ERGIC1: variants seen among roughly 807,000 people sequenced by gnomAD.
ERGIC1 encodes the protein endoplasmic reticulum-Golgi intermediate compartment protein 1.
ERGIC1 carries 19 observed loss-of-function variants against 38.3 expected under a neutral mutation model. The observed-to-expected ratio is 0.50, with a 90% CI of 0.35 to 0.73. The LOEUF is 0.73. Among genes scored for constraint, ERGIC1 ranks in the 30% least tolerant of loss-of-function variants. The pLI, the probability that ERGIC1 is intolerant of heterozygous loss-of-function variation, is 0.01. For missense variants in ERGIC1, 294 were observed against 389.2 expected (o/e 0.76, Z 2.06); for synonymous variants, 124 against 157.6 (o/e 0.79, Z 1.60).
chr5:172,864,089 C>G (rs929561490), intron 1 of ERGIC1, among the ~76,000 whole-genome samples: 1 of 151,536 alleles, frequency 6.6e-6, no homozygotes, highest in African/African-American at 2.4e-5. Flanking sequence ...CCTAGCTACT[C>G]GAGAGGCTGA....
chr5:172,845,166 G>T (rs909626581), intron 1 of ERGIC1, among the ~76,000 whole-genome samples: 5 of 152,112 alleles, frequency 3.3e-5, no homozygotes, highest in Admixed American at 6.5e-5. Flanking sequence ...GGGGAGTGTT[G>T]TTACCCTGAT....
In ERGIC1 at chr5:172,919,324, G is replaced by A. The variant is rs529703984; in HGVS notation, c.375+4486G>A. 1.8e-4 allele frequency among the ~76,000 whole-genome samples: 28 copies of A among 152,198 alleles called. No homozygotes were observed. The South Asian group carries it at 3.7e-3, about 20-fold the overall frequency. ...CACACCTCCTCACTGTGGGCCCCCC[G>A]CCCCCGGGGAGATGCAACCACCTGG... On this transcript the variant is annotated intron_variant, in intron 5 of 9. Coordinates refer to ENST00000393784, the MANE Select transcript of ERGIC1 (RefSeq NM_001031711.3).
At chr5:172,947,846 A>G in intron 9 of ERGIC1, among the ~76,000 whole-genome samples, 1 of 151,258 alleles carries the variant, frequency 6.6e-6, no homozygotes, top group African/African-American at 2.4e-5. Flanking sequence ...TTTGGGTTCC[A>G]AATTGTGTGT....
chr5:172,922,337 A>G (rs1763541313), intron 5 of ERGIC1: 1 of 152,364 alleles, frequency 6.6e-6, no homozygotes, highest in Non-Finnish European at 1.5e-5. Flanking sequence ...CATTCATTCA[A>G]AAAGTGTCTA....
At chr5:172,940,452 G>A (rs1763985470) in intron 9 of ERGIC1, among the ~76,000 whole-genome samples, 1 of 152,180 alleles carries the variant, frequency 6.6e-6, no homozygotes, top group Admixed American at 6.5e-5. Flanking sequence ...TGTGCCACTT[G>A]CTGTAGCTCC....
intron 8 of ERGIC1, chr5:172,932,910 C>T: frequency 5.1e-6 from 1 of 197,626 alleles, no homozygotes; most frequent in Non-Finnish European, 1.0e-5. Flanking sequence ...GCTCTCAGGG[C>T]ACAGGCACTT....
At chr5:172,892,273 C>A (rs1439506823) in intron 2 of ERGIC1, among the ~76,000 whole-genome samples, 1 of 152,122 alleles carries the variant, frequency 6.6e-6, no homozygotes, top group Non-Finnish European at 1.5e-5. Flanking sequence ...GGCGCCATGC[C>A]AAGCCCTGGG....
At chr5:172,928,103 CAT>C (rs1763696782) in intron 7 of ERGIC1, among the ~76,000 whole-genome samples, 1 of 152,140 alleles carries the variant, frequency 6.6e-6, no homozygotes, top group African/African-American at 2.4e-5. Context: ...GTCATGGTAA[CAT>C]GTCATCCGAC....
chr5:172,866,710 A>G (rs1251693964), intron 1 of ERGIC1, among the ~76,000 whole-genome samples: 1 of 152,224 alleles, frequency 6.6e-6, no homozygotes, highest in Non-Finnish European at 1.5e-5. Context: ...CAGAGCTGGG[A>G]CTTGAACCCA....
intron 1 of ERGIC1, among the ~76,000 whole-genome samples, chr5:172,842,426 G>A (rs1040678327): frequency 2.6e-5 from 4 of 152,280 alleles, no homozygotes; most frequent in African/African-American, 9.6e-5. Context: ...CCCATTAATA[G>A]ACATTTAGGT....
chr5:172,915,063 C>T, intron 5 of ERGIC1: 1 of 735,234 alleles, frequency 1.4e-6, no homozygotes, highest in Non-Finnish European at 2.5e-6. Context: ...GAAGGAGCTA[C>T]TCTTCTCTCC....
chr5:172,930,741 G>T (rs1763759835), intron 7 of ERGIC1, among the ~76,000 whole-genome samples: 1 of 152,168 alleles, frequency 6.6e-6, no homozygotes, highest in Non-Finnish European at 1.5e-5. Flanking sequence ...TGGGCGTTTG[G>T]ACACCACTAT....
At chr5:172,943,587 GCAGGCAGCTGGA>G (rs1234565348) in intron 9 of ERGIC1, among the ~76,000 whole-genome samples, 1 of 152,234 alleles carries the variant, frequency 6.6e-6, no homozygotes, top group Non-Finnish European at 1.5e-5. Context: ...TTAGGGTACA[GCAGGCAGCTGGA>G]CAGTGTCATC....
intron 1 of ERGIC1, among the ~76,000 whole-genome samples, chr5:172,884,766 G>A (rs796483975): frequency 2.0e-5 from 3 of 152,314 alleles, no homozygotes; most frequent in African/African-American, 7.2e-5. Flanking sequence ...GGCTGTTGCT[G>A]TTGCTGGATC....
chr5:172,940,891 G>A lies in ERGIC1; in HGVS notation c.765+5581G>A, dbSNP rs557981533. On this transcript the variant is annotated intron_variant, in intron 9 of 9. Coordinates refer to ENST00000393784, the MANE Select transcript of ERGIC1 (RefSeq NM_001031711.3). ...GTTGTCAGGCCTGATGATGACCTCC[G>A]CGTCTGACTTACCTGTGTCCCCAGC... Among the ~76,000 whole-genome samples, 6 of 152,292 alleles carry A rather than the reference G, an allele frequency of 3.9e-5. No homozygotes were observed. The South Asian group carries it at 8.3e-4, about 21-fold the overall frequency.
intron 6 of ERGIC1, 111 bp downstream of exon 6, chr5:172,924,220 C>A: frequency 9.8e-7 from 1 of 1,023,602 alleles, no homozygotes; most frequent in Non-Finnish European, 1.5e-6. Flanking sequence ...GTTAAGGTGA[C>A]ATCTAAGCCA....
intron 3 of ERGIC1, among the ~76,000 whole-genome samples, chr5:172,904,348 T>C (rs576714398): frequency 2.0e-5 from 3 of 152,346 alleles, no homozygotes; most frequent in African/African-American, 7.2e-5. Flanking sequence ...TTATTCTGAC[T>C]TCCATTGCCA....
chr5:172,893,585 A>T (rs1399442697), intron 2 of ERGIC1, among the ~76,000 whole-genome samples: 1 of 151,962 alleles, frequency 6.6e-6, no homozygotes, highest in Non-Finnish European at 1.5e-5. Flanking sequence ...CAAAGCAAGG[A>T]TGTTTTGCCT....
intron 1 of ERGIC1, among the ~76,000 whole-genome samples, chr5:172,840,206 C>T (rs889032503): frequency 1.3e-5 from 2 of 152,124 alleles, no homozygotes; most frequent in Admixed American, 1.3e-4. Flanking sequence ...TACCTGCTCG[C>T]GGGGACATGG....
Sources: gnomAD v4.1 joint callset for allele counts (sites outside exome capture counted in the v4.1 genomes callset) on GRCh38, gnomAD v4.1.1 for gene constraint, MANE v1.5 for transcripts, NCBI Gene and HGNC (gene_info 2026-07-23, HGNC 2026-07-21) for gene names.